Variants in KIF16B observed in about 807,000 individuals in gnomAD.
KIF16B encodes the protein kinesin family member 16B.
In KIF16B, 98 loss-of-function variants were observed where a neutral mutation model predicts 156.3. The ratio of observed to expected loss-of-function variants is 0.63; its 90% CI spans 0.53 to 0.74. The LOEUF is 0.74. KIF16B is among the 30% of genes least tolerant of loss of function. The probability of loss-of-function intolerance (pLI) is 0.00; values close to 1 mark genes in which losing one functional copy is unlikely to be tolerated. For synonymous variants in KIF16B, 564 were observed against 583.7 expected, an observed-to-expected ratio of 0.97 and a Z score of 0.49; for missense variants, 1,421 against 1,606.5, an observed-to-expected ratio of 0.88 and a Z score of 1.97.
At chr20:16,358,892 A>C (rs1002646408) in intron 22 of KIF16B, among the ~76,000 whole-genome samples, 1 of 152,216 alleles carries the variant, frequency 6.6e-6, no homozygotes, top group Non-Finnish European at 1.5e-5. Flanking sequence ...ATATATAATG[A>C]AACATTGCTA....
At chr20:16,486,934 C>T (rs1380172235) in intron 12 of KIF16B, among the ~76,000 whole-genome samples, 6 of 152,082 alleles carry the variant, frequency 3.9e-5, no homozygotes, top group African/African-American at 9.7e-5. Flanking sequence ...CTAGGTTCAA[C>T]GTTTGTACCA....
At chr20:16,389,095 C>G (rs1276286742) in intron 17 of KIF16B, among the ~76,000 whole-genome samples, 1 of 152,088 alleles carries the variant, frequency 6.6e-6, no homozygotes, top group Non-Finnish European at 1.5e-5. Context: ...GGATATTACT[C>G]TATTATCTCA....
chr20:16,554,463 C>T (rs1162989421), intron 1 of KIF16B, among the ~76,000 whole-genome samples: 1 of 152,204 alleles, frequency 6.6e-6, no homozygotes, highest in South Asian at 2.1e-4. Context: ...GACACCCTGC[C>T]TGCTACCCAG....
At chr20:16,331,076 C>T (rs542888832) in intron 24 of KIF16B, among the ~76,000 whole-genome samples, 2 of 152,310 alleles carry the variant, frequency 1.3e-5, no homozygotes, top group South Asian at 2.1e-4. Flanking sequence ...GGGAAACTGA[C>T]GCTGAGCATG....
intron 12 of KIF16B, among the ~76,000 whole-genome samples, chr20:16,445,415 T>C (rs1004271872): frequency 5.4e-5 from 7 of 128,532 alleles, no homozygotes; most frequent in African/African-American, 2.1e-4. Context: ...CAGACATGTA[T>C]ATACGTGTGT....
intron 25 of KIF16B, among the ~76,000 whole-genome samples, chr20:16,304,963 G>A (rs1207924821): frequency 4.6e-5 from 7 of 152,162 alleles, no homozygotes; most frequent in Admixed American, 1.3e-4. Context: ...ACTGCTGGCC[G>A]TGGAGTGGTG....
At chr20:16,564,817 A>G (rs1203300730) in intron 1 of KIF16B, among the ~76,000 whole-genome samples, 1 of 152,050 alleles carries the variant, frequency 6.6e-6, no homozygotes, top group East Asian at 1.9e-4. Context: ...ATCACACTGC[A>G]CAAGCCTCCC....
intron 25 of KIF16B, among the ~76,000 whole-genome samples, chr20:16,280,518 C>T (rs1208250657): frequency 1.3e-5 from 2 of 152,156 alleles, no homozygotes; most frequent in Admixed American, 6.5e-5. Context: ...GCAGGTACTT[C>T]GTACAAAGTT....
At chr20:16,335,277 CATT>C (rs1222011631) in intron 24 of KIF16B, among the ~76,000 whole-genome samples, 4 of 152,190 alleles carry the variant, frequency 2.6e-5, no homozygotes, top group Admixed American at 2.0e-4. Flanking sequence ...TCATCATCAT[CATT>C]ACTTGGAAAA....
intron 25 of KIF16B, among the ~76,000 whole-genome samples, chr20:16,281,235 A>T (rs996008884): frequency 6.6e-6 from 1 of 152,184 alleles, no homozygotes; most frequent in African/African-American, 2.4e-5. Context: ...CCACCTTTCC[A>T]TAGTGACATA....
intron 23 of KIF16B, among the ~76,000 whole-genome samples, chr20:16,340,265 T>C (rs1445929037): frequency 6.6e-6 from 1 of 152,258 alleles, no homozygotes; most frequent in Non-Finnish European, 1.5e-5. Flanking sequence ...AGTCACTTTC[T>C]TAGTGATTTC....
chr20:16,316,602 A>G (rs1389615383), intron 24 of KIF16B, among the ~76,000 whole-genome samples: 1 of 152,158 alleles, frequency 6.6e-6, no homozygotes, highest in Non-Finnish European at 1.5e-5. Context: ...TGGAATGAAG[A>G]AGGTGGGGAG....
At position 16,542,583 on chromosome 20, in the gene KIF16B, G is replaced by A. The variant is rs570101045; in HGVS notation, c.48-14143C>T. ...GGGGGTGAGATATGAACAAACACCT[G>A]AACGGGGCCAGGCAAATGGCCCAGA... On this transcript the variant is annotated intron_variant, in intron 1 of 25. Transcript: ENST00000354981. 3.9e-5 allele frequency among the ~76,000 whole-genome samples: 6 copies of A among 152,314 alleles called. No individual in the cohort carries two copies. The South Asian group carries it at 1.2e-3, about 32-fold the overall frequency.
chr20:16,401,116 T>C (rs1377964213), intron 17 of KIF16B, among the ~76,000 whole-genome samples: 1 of 152,200 alleles, frequency 6.6e-6, no homozygotes, highest in Non-Finnish European at 1.5e-5. Context: ...AAATAATTTT[T>C]ATTTGAATTT....
chr20:16,436,916 AACAGTC>A (rs1314238501), intron 12 of KIF16B, among the ~76,000 whole-genome samples: 2 of 152,202 alleles, frequency 1.3e-5, no homozygotes, highest in Non-Finnish European at 2.9e-5. Flanking sequence ...AACATGGGCA[AACAGTC>A]ATCCCTTGAT....
At chr20:16,396,823 A>G (rs1381026224) in intron 17 of KIF16B, among the ~76,000 whole-genome samples, 3 of 152,108 alleles carry the variant, frequency 2.0e-5, no homozygotes, top group Non-Finnish European at 4.4e-5. Flanking sequence ...CCCTGATGCT[A>G]ACCAAACCCC....
Position 16,374,283 on chromosome 20 carries a change from T to C in KIF16B, c.3324A>G (p.Ser1108=). ...TGGCATCCATGAGGGGAACCAGGTG[T>C]GATTTTTCAGCACTGACTGGCAAGC... ...SSSLPVSAEK[S]HLVPLMDARI... Residue 1108 remains serine (S), a synonymous_variant, in exon 20 of 26, where the codon TCA becomes TCG. Coordinates refer to ENST00000354981, the MANE Select transcript of KIF16B (RefSeq NM_024704.5). 1 of 1,596,962 alleles carries C rather than the reference T, an allele frequency of 6.3e-7. No homozygotes were observed. Among genetic ancestry groups the C allele is most frequent in the Non-Finnish European group, 8.5e-7 (1 of 1,170,028 alleles).
At position 16,497,015 on chromosome 20, in the gene KIF16B, TA is replaced by T. The variant is rs771279827; in HGVS notation, c.1242+597del. Among the ~76,000 whole-genome samples, 744 of 146,090 alleles carry T rather than the reference TA, an allele frequency of 5.1e-3. 5 individuals carry two copies. The highest frequency in any genetic ancestry group is 0.023 in the East Asian group (118 of 5,052). ...GTCTGTTTCTCTTTTCACAGAAGTT[TA>T]AAAAAAAAAAAGTATAGAACCAGGT... On this transcript the variant is annotated intron_variant, in intron 11 of 25. Transcript: ENST00000354981.
chr20:16,508,122 G>A, intron 6 of KIF16B, 22 bp from the exon 7 acceptor site: 1 of 1,612,580 alleles, frequency 6.2e-7, no homozygotes, highest in Non-Finnish European at 8.5e-7. Context: ...AATGGAAGGG[G>A]TGAAGAAATC....
Sources: gnomAD v4.1 joint callset for allele counts (sites outside exome capture counted in the v4.1 genomes callset) on GRCh38, gnomAD v4.1.1 for gene constraint, MANE v1.5 for transcripts, NCBI Gene and HGNC (gene_info 2026-07-23, HGNC 2026-07-21) for gene names.